Variants in RIC1 observed in about 807,000 individuals in gnomAD.
RIC1 encodes guanine nucleotide exchange factor subunit RIC1.
RIC1 carries 88 observed loss-of-function variants against 169.0 expected under a neutral mutation model. That is an observed-to-expected ratio of 0.52 (90% CI 0.44 to 0.62). RIC1 has a LOEUF of 0.62. Among genes scored for constraint, RIC1 ranks in the 20% least tolerant of loss-of-function variants. The probability of loss-of-function intolerance (pLI) is 0.00; values close to 1 mark genes in which losing one functional copy is unlikely to be tolerated. For synonymous variants in RIC1, 790 were observed against 601.5 expected (o/e 1.31, Z -4.59); for missense variants, 1,877 against 1,725.5 (o/e 1.09, Z -1.56).
At chr9:5,649,737 TTG>T (rs1818701559) in intron 1 of RIC1, among the ~76,000 whole-genome samples, 1 of 118,772 alleles carries the variant, frequency 8.4e-6, no homozygotes, top group Non-Finnish European at 1.8e-5. Flanking sequence ...TCATAATTTC[TTG>T]TTTTTTTTTT....
At chr9:5,717,596 GC>G (rs1823330870) in intron 4 of RIC1, among the ~76,000 whole-genome samples, 2 of 152,274 alleles carry the variant, frequency 1.3e-5, no homozygotes, top group South Asian at 2.1e-4. Context: ...TATAATCCCA[GC>G]ACACTGGGAG....
At chr9:5,748,313 C>T (rs921315600) in intron 12 of RIC1, among the ~76,000 whole-genome samples, 1 of 152,112 alleles carries the variant, frequency 6.6e-6, no homozygotes, top group African/African-American at 2.4e-5. Context: ...TATATGTTTA[C>T]CCTACTAGCC....
At position 5,763,591 on chromosome 9, in the gene RIC1, C is replaced by T; in HGVS notation, c.2564C>T (p.Pro855Leu). 1 of 1,614,176 alleles carries T rather than the reference C, an allele frequency of 6.2e-7. No homozygotes were observed. Among genetic ancestry groups the T allele is most frequent in the Non-Finnish European group, 8.5e-7 (1 of 1,180,028 alleles). ...LLLAQSCATL[P>L]YFPHVLELML... ...TTGGCCCAGTCCTGTGCCACATTAC[C>T]TTACTTCCCTCATGTGCTGGAGCTC... Residue 855 changes from proline (P) to leucine (L), a missense_variant, in exon 19 of 26, where the codon CCT becomes CTT. Pro to Leu is a moderately conservative substitution (Grantham distance 98, BLOSUM62 -3). Coordinates refer to ENST00000414202, the MANE Select transcript of RIC1 (RefSeq NM_020829.4). The surrounding 1 kb of genome is among the most constrained non-coding windows in gnomAD (Gnocchi z 5.2).
At chr9:5,715,153 A>G (rs1469139617) in intron 4 of RIC1, among the ~76,000 whole-genome samples, 1 of 152,226 alleles carries the variant, frequency 6.6e-6, no homozygotes, top group Admixed American at 6.5e-5. Flanking sequence ...CGCCTTGGTC[A>G]CAAGGTTATT....
At chr9:5,641,910 A>G (rs919940807) in intron 1 of RIC1, among the ~76,000 whole-genome samples, 1 of 144,102 alleles carries the variant, frequency 6.9e-6, no homozygotes, top group Non-Finnish European at 1.5e-5. Flanking sequence ...CTGTTTTTCC[A>G]GGATTGGTCC....
At chr9:5,721,170 T>C (rs941141743) in intron 6 of RIC1, among the ~76,000 whole-genome samples, 1 of 152,208 alleles carries the variant, frequency 6.6e-6, no homozygotes, top group Admixed American at 6.5e-5. Context: ...ATTATAGTTA[T>C]TGTGATTTTG....
chr9:5,633,969 C>G (rs1296268577), intron 1 of RIC1, among the ~76,000 whole-genome samples: 2 of 152,118 alleles, frequency 1.3e-5, no homozygotes, highest in Non-Finnish European at 2.9e-5. Flanking sequence ...TCTTTATATT[C>G]CATATATGAG....
chr9:5,720,385 A>G (rs549884824), intron 5 of RIC1, 61 bp downstream of exon 5: 6 of 1,493,230 alleles, frequency 4.0e-6, no homozygotes, highest in South Asian at 1.2e-5. Flanking sequence ...CTAGTTAGGT[A>G]TCTTCTATGG....
At chr9:5,739,804 T>C (rs1484340667) in intron 8 of RIC1, among the ~76,000 whole-genome samples, 3 of 152,186 alleles carry the variant, frequency 2.0e-5, no homozygotes, top group Non-Finnish European at 2.9e-5. Context: ...ACAAACTCAG[T>C]GAATCTAGCT....
At chr9:5,651,873 A>G (rs1818820471) in intron 1 of RIC1, among the ~76,000 whole-genome samples, 1 of 152,024 alleles carries the variant, frequency 6.6e-6, no homozygotes, top group African/African-American at 2.4e-5. Context: ...TAGCCTCTTT[A>G]ATCTATTTTG....
At chr9:5,705,181 T>G (rs1822496357) in intron 3 of RIC1, among the ~76,000 whole-genome samples, 1 of 148,906 alleles carries the variant, frequency 6.7e-6, no homozygotes, top group African/African-American at 2.5e-5. Context: ...AGGATCAGCT[T>G]TCCCATTTCT....
At chr9:5,737,306 A>G (rs922376266) in intron 7 of RIC1, among the ~76,000 whole-genome samples, 14 of 145,572 alleles carry the variant, frequency 9.6e-5, no homozygotes, top group African/African-American at 2.9e-4. Context: ...GATGTTTTAA[A>G]TTAAGTAATT....
chr9:5,686,045 A>G (rs1344764853), intron 2 of RIC1, among the ~76,000 whole-genome samples: 2 of 152,038 alleles, frequency 1.3e-5, no homozygotes, highest in Non-Finnish European at 2.9e-5. Flanking sequence ...ATCACTGGCC[A>G]TCAGAGAAAT....
intron 8 of RIC1, among the ~76,000 whole-genome samples, chr9:5,739,811 A>T (rs575218191): frequency 6.6e-6 from 1 of 152,236 alleles, no homozygotes; most frequent in Non-Finnish European, 1.5e-5. Flanking sequence ...CAGTGAATCT[A>T]GCTTCATCAG....
At chr9:5,640,432 CT>C (rs892388258) in intron 1 of RIC1, among the ~76,000 whole-genome samples, 5 of 152,074 alleles carry the variant, frequency 3.3e-5, no homozygotes, top group Non-Finnish European at 5.9e-5. Flanking sequence ...TGCTTTTTAA[CT>C]TTTTTGTTTG....
chr9:5,770,013 A>G, intron 22 of RIC1, 74 bp from the exon 23 acceptor site: 4 of 1,326,362 alleles, frequency 3.0e-6, no homozygotes, highest in Non-Finnish European at 4.1e-6. Context: ...AAGCTAAAAG[A>G]GCTGAATTGA....
intron 1 of RIC1, among the ~76,000 whole-genome samples, chr9:5,641,459 A>T (rs967866091): frequency 6.6e-6 from 1 of 152,042 alleles, no homozygotes; most frequent in Non-Finnish European, 1.5e-5. Context: ...TTGAATGCAG[A>T]TATCTTTCTC....
chr9:5,747,931 A>G (rs751035040), intron 12 of RIC1, among the ~76,000 whole-genome samples: 1 of 152,250 alleles, frequency 6.6e-6, no homozygotes, highest in Non-Finnish European at 1.5e-5. Flanking sequence ...GAGGTTAATC[A>G]TGTGACTTTG....
intron 8 of RIC1, among the ~76,000 whole-genome samples, chr9:5,739,152 T>A (rs1017751597): frequency 3.3e-5 from 5 of 152,052 alleles, no homozygotes; most frequent in Non-Finnish European, 7.4e-5. Flanking sequence ...GATGAGTAGG[T>A]CTAAAGTGAC....
Sources: allele counts gnomAD v4.1 joint callset (sites outside exome capture counted in the v4.1 genomes callset), GRCh38; gene constraint gnomAD v4.1.1; non-coding constraint Gnocchi (gnomAD v3.1); transcripts MANE v1.5; gene names NCBI Gene and HGNC (gene_info 2026-07-23, HGNC 2026-07-21).